The following ADAM22 variants were observed in gnomAD, a reference collection of about 807,000 sequenced individuals.
ADAM22 encodes disintegrin and metalloproteinase domain-containing protein 22.
Under a neutral mutation model 144.6 loss-of-function variants are expected in ADAM22, and 65 were observed. The observed-to-expected ratio is 0.45, with a 90% CI of 0.37 to 0.55. ADAM22 has a LOEUF of 0.55. ADAM22 is among the 20% of genes least tolerant of loss of function. ADAM22 has a pLI of 0.00. For missense variants in ADAM22, 974 were observed against 1,184.9 expected (o/e 0.82, Z 2.61); for synonymous variants, 391 against 412.6 (o/e 0.95, Z 0.63).
chr7:88,096,680 C>G (rs1321072410), intron 4 of ADAM22, among the ~76,000 whole-genome samples: 4 of 151,796 alleles, frequency 2.6e-5, no homozygotes, highest in Non-Finnish European at 5.9e-5. Flanking sequence ...GTGCAGTGTA[C>G]AAGATATTGA....
intron 3 of ADAM22, among the ~76,000 whole-genome samples, chr7:88,066,685 T>TG (rs1405292531): frequency 6.6e-6 from 1 of 152,072 alleles, no homozygotes; most frequent in Non-Finnish European, 1.5e-5. Context: ...TACTGATCCC[T>TG]GGGGGTACTC....
chr7:88,152,246 A>G (rs1407897546), intron 20 of ADAM22, among the ~76,000 whole-genome samples: 3 of 152,214 alleles, frequency 2.0e-5, no homozygotes, highest in African/African-American at 4.8e-5. Context: ...ATAACTACCG[A>G]CATAACTATT....
At position 88,181,582 on chromosome 7, in the gene ADAM22, G is replaced by T; in HGVS notation, c.2573G>T (p.Arg858Leu). ...KHISDICENG[R>L]PRSNSWQGNL... ...ATTTCAGACATCTGTGAAAATGGGC[G>T]ACCTCGAAGTAACTCTTGGCAAGGT... The change falls in exon 28 of 32, where the codon CGA becomes CTA. Residue 858 changes from arginine (R) to leucine (L), a missense_variant. Transcript: ENST00000413139. The T allele has an allele frequency of 6.2e-7, 1 of 1,613,660 alleles. No homozygotes were observed. The highest frequency in any genetic ancestry group is 8.5e-7 in the Non-Finnish European group (1 of 1,179,712).
intron 15 of ADAM22, among the ~76,000 whole-genome samples, chr7:88,144,652 C>CTAT (rs147910772): frequency 1.4e-3 from 212 of 151,770 alleles, no homozygotes; most frequent in Admixed American, 3.1e-3. Flanking sequence ...GGATGGACAA[C>CTAT]TATTATTATT....
At chr7:88,098,811 C>T (rs1391751613) in intron 4 of ADAM22, among the ~76,000 whole-genome samples, 1 of 152,072 alleles carries the variant, frequency 6.6e-6, no homozygotes, top group South Asian at 2.1e-4. Flanking sequence ...TCTTTTTCAT[C>T]GGCTCGTTTT....
chr7:88,023,624 G>A (rs543999511), intron 3 of ADAM22, among the ~76,000 whole-genome samples: 2 of 152,004 alleles, frequency 1.3e-5, no homozygotes, highest in African/African-American at 2.4e-5. Context: ...TTTGCCATGC[G>A]GATCAGGCTG....
At position 88,196,867 on chromosome 7, in the gene ADAM22, C is replaced by T. The variant is rs993437172; in HGVS notation, c.*376C>T. 10 of 237,726 alleles carry T rather than the reference C, an allele frequency of 4.2e-5. No homozygotes were observed. Among genetic ancestry groups the T allele is most frequent in the Admixed American group, 2.4e-4 (5 of 20,714 alleles). 14.7% of individuals were successfully genotyped at this position (237,726 alleles called of 1,614,324 possible). A position where few individuals can be genotyped will look rare whatever the true frequency, so the allele number is the denominator to read the frequency against. ...GGATTCAGAACTTGACGTTCTGAGG[C>T]ACATCCTCACTGTAAACAGTAATGC... On this transcript the variant is annotated 3_prime_UTR_variant, in exon 32 of 32. Transcript: ENST00000413139.
intron 3 of ADAM22, among the ~76,000 whole-genome samples, chr7:88,067,594 A>G (rs956082992): frequency 6.6e-6 from 1 of 152,152 alleles, no homozygotes; most frequent in African/African-American, 2.4e-5. Flanking sequence ...CTGATTTGGT[A>G]GGCCTGACGG....
chr7:88,049,688 C>A (rs1037814658), intron 3 of ADAM22, among the ~76,000 whole-genome samples: 1 of 152,182 alleles, frequency 6.6e-6, no homozygotes, highest in South Asian at 2.1e-4. Context: ...TGAGCAAGTG[C>A]ACCCGGCCTA....
chr7:88,108,112 G>A, intron 4 of ADAM22, 64 bp from the exon 5 acceptor site: 6 of 1,376,624 alleles, frequency 4.4e-6, no homozygotes, highest in Middle Eastern at 1.8e-4. Context: ...GAAACCTCCT[G>A]TGAAATGAAG....
In ADAM22 at chr7:88,178,942, C is replaced by T; in HGVS notation, c.2308C>T (p.Pro770Ser). 1.9e-6 allele frequency: 3 copies of T among 1,609,538 alleles called. No individual in the cohort carries two copies. The highest frequency in any genetic ancestry group is 2.5e-6 in the Non-Finnish European group (3 of 1,177,644). The change falls in exon 27 of 32, where the codon CCC (proline) becomes TCC (serine). Residue 770 changes from proline to serine, a missense_variant. By Grantham distance (74) the Pro-to-Ser change is moderately conservative. Around this residue, in one of 2 missense-constraint regions of ADAM22, gnomAD observed 734 missense variants for 950.6 expected, o/e 0.77. Coordinates refer to ENST00000413139, the MANE Select transcript of ADAM22 (RefSeq NM_001324418.2). ...ATGTTTATTATGCCTTAGACAGTTA[C>T]CCCAGGGAGATTATGTAAAAAAGCC... ...YKNYREQRQL[P>S]QGDYVKKPGD...
rs1274546018 is a variant in ADAM22 at position 88,200,066 on chromosome 7, G to C, written c.*3575G>C. 7 of 152,244 alleles carry C rather than the reference G, an allele frequency of 4.6e-5. No homozygotes were observed. The East Asian group carries it at 1.4e-3, about 29-fold the overall frequency. The allele number at this position is 152,244 out of a possible 1,614,324, so 9.4% of individuals were successfully genotyped here. On this transcript the variant is annotated 3_prime_UTR_variant, in exon 32 of 32. Coordinates refer to ENST00000413139, the MANE Select transcript of ADAM22 (RefSeq NM_001324418.2). ...TCCTGTCTATTGTCCCAGATCTCTT[G>C]TGGCTACTTTACCTGTTACCTTTTT...
At chr7:88,021,785 T>C (rs1797874623) in intron 3 of ADAM22, among the ~76,000 whole-genome samples, 1 of 152,130 alleles carries the variant, frequency 6.6e-6, no homozygotes, top group South Asian at 2.1e-4. Flanking sequence ...TTTCAGGAAA[T>C]TCTGATAGAG....
chr7:87,941,746 C>T (rs1021680756), intron 2 of ADAM22, among the ~76,000 whole-genome samples: 3 of 152,034 alleles, frequency 2.0e-5, no homozygotes, highest in East Asian at 1.9e-4. Context: ...ATGTATTTTT[C>T]GTATCTTTAA....
At chr7:88,017,832 C>T (rs1301228341) in intron 3 of ADAM22, among the ~76,000 whole-genome samples, 1 of 146,362 alleles carries the variant, frequency 6.8e-6, no homozygotes, top group Non-Finnish European at 1.5e-5. Flanking sequence ...TGTATAAATA[C>T]ATACATATAT....
chr7:88,032,841 C>T (rs1800621748), intron 3 of ADAM22, among the ~76,000 whole-genome samples: 1 of 152,138 alleles, frequency 6.6e-6, no homozygotes, highest in South Asian at 2.1e-4. Flanking sequence ...TAACACCACC[C>T]CCTTTGCTCC....
chr7:87,995,967 A>G (rs183971965), intron 3 of ADAM22, among the ~76,000 whole-genome samples: 8 of 152,352 alleles, frequency 5.3e-5, no homozygotes, highest in South Asian at 2.1e-4. Flanking sequence ...GAATTACATC[A>G]AAGAAGATTC....
At position 87,935,117 on chromosome 7, in the gene ADAM22, G is replaced by C. The variant is rs762707338; in HGVS notation, c.177G>C (p.Ser59=). Residue 59 remains serine, a synonymous_variant, in exon 2 of 32, where the codon TCG becomes TCC. Coordinates refer to ENST00000413139, the MANE Select transcript of ADAM22 (RefSeq NM_001324418.2). ...TGCCACTGCGCCTCATCTACCGCTC[G>C]GGCGGCGAAGACGAAAGTCGGCACG... ...SIVPLRLIYR[S]GGEDESRHDA... is the part of the protein sequence containing the mutation. 1.2e-6 allele frequency: 2 copies of C among 1,613,806 alleles called. No homozygotes were observed. The highest frequency in any genetic ancestry group is 1.7e-6 in the Non-Finnish European group (2 of 1,179,956).
intron 22 of ADAM22, among the ~76,000 whole-genome samples, chr7:88,161,939 G>A (rs1841765300): frequency 1.3e-5 from 2 of 151,942 alleles, no homozygotes; most frequent in Admixed American, 1.3e-4. Context: ...ATTCGACCCA[G>A]CAATCCTATT....
Sources: allele counts gnomAD v4.1 joint callset (sites outside exome capture counted in the v4.1 genomes callset), GRCh38; gene constraint gnomAD v4.1.1; regional missense constraint gnomAD v4.1.1; transcripts MANE v1.5; gene names NCBI Gene and HGNC (gene_info 2026-07-23, HGNC 2026-07-21).